AGPAT3: variants seen among roughly 807,000 people sequenced by gnomAD.
AGPAT3 encodes the protein 1-acylglycerol-3-phosphate O-acyltransferase 3.
A neutral mutation model predicts 47.3 loss-of-function variants in AGPAT3; 5 were observed. That is an observed-to-expected ratio of 0.11 (90% CI 0.06 to 0.22). The LOEUF (loss-of-function observed/expected upper bound fraction) is 0.22. Ranked by LOEUF, AGPAT3 falls within the 10% of genes least tolerant of loss-of-function variation. The pLI, the probability that AGPAT3 is intolerant of heterozygous loss-of-function variation, is 1.00. For synonymous variants in AGPAT3, 212 were observed against 208.3 expected (o/e 1.02, Z -0.15); for missense variants, 315 against 493.0 (o/e 0.64, Z 3.42).
chr21:43,959,921 T>C, intron 3 of AGPAT3, 62 bp downstream of exon 3: 2 of 1,510,668 alleles, frequency 1.3e-6, no homozygotes, highest in East Asian at 2.4e-5. Context: ...CGCGCGACCA[T>C]GCACGGGGCA....
intron 4 of AGPAT3, among the ~76,000 whole-genome samples, chr21:43,968,533 AG>A (rs1221055561): frequency 8.6e-5 from 13 of 151,460 alleles, no homozygotes; most frequent in African/African-American, 2.9e-4. Flanking sequence ...CTAGGGGAGC[AG>A]GGGACTCCCT....
At chr21:43,943,800 A>G (rs960011181) in intron 2 of AGPAT3, among the ~76,000 whole-genome samples, 14 of 152,280 alleles carry the variant, frequency 9.2e-5, no homozygotes, top group Admixed American at 2.0e-4. Flanking sequence ...GCAGCTTATT[A>G]CCACATCAGG....
intron 1 of AGPAT3, among the ~76,000 whole-genome samples, chr21:43,886,160 TA>T (rs2085972488): frequency 1.3e-5 from 2 of 152,162 alleles, no homozygotes; most frequent in African/African-American, 4.8e-5. Flanking sequence ...AGCTGATGGT[TA>T]GGGGAGGGAG....
At chr21:43,882,134 G>A (rs1479394125) in intron 1 of AGPAT3, among the ~76,000 whole-genome samples, 2 of 152,240 alleles carry the variant, frequency 1.3e-5, no homozygotes, top group East Asian at 1.9e-4. Flanking sequence ...TCATCTGGGG[G>A]CCCTGTGCCC....
intron 1 of AGPAT3, among the ~76,000 whole-genome samples, chr21:43,870,141 C>T (rs916926220): frequency 8.5e-5 from 13 of 152,238 alleles, no homozygotes; most frequent in African/African-American, 3.1e-4. Flanking sequence ...CCTCCTTGGA[C>T]TCCCTGCCGT....
rs1338108905 is a variant in AGPAT3, at chr21:43,967,989, A to G, written c.222A>G (p.Thr74=). 5.6e-6 allele frequency: 9 copies of G among 1,613,824 alleles called. No homozygotes were observed. The highest frequency in any genetic ancestry group is 1.6e-4 in the Middle Eastern group (1 of 6,062). The change falls in exon 4 of 10, where the codon ACA becomes ACG. Residue 74 remains threonine (T), a synonymous_variant. Transcript: ENST00000291572. ...AGTGGTGGTCCTGCACGGAGTGTAC[A>G]CTGTTCACGGACCAGGCCACGGTAG... ...LLEWWSCTEC[T]LFTDQATVER... is the part of the protein sequence containing the mutation.
In AGPAT3 at chr21:43,877,505, C is replaced by T. The variant is rs1272038463; in HGVS notation, c.-112+12160C>T. 2.6e-5 allele frequency among the ~76,000 whole-genome samples: 4 copies of T among 151,758 alleles called. No individual in the cohort carries two copies. In the East Asian group the frequency reaches 7.8e-4, roughly 29 times the overall value. ...TTGCCCAGTCTGGAGTACAATGGTG[C>T]CATGTTGGCTCACCACAACTTCCGC... On this transcript the variant is annotated intron_variant, in intron 1 of 9. Transcript: ENST00000291572.
At chr21:43,871,493 G>T (rs183570230) in intron 1 of AGPAT3, among the ~76,000 whole-genome samples, 10 of 152,326 alleles carry the variant, frequency 6.6e-5, no homozygotes, top group Admixed American at 6.5e-4. Context: ...TTCTAATCTT[G>T]ACCTGTTTAC....
intron 1 of AGPAT3, among the ~76,000 whole-genome samples, chr21:43,892,143 C>G (rs1324687278): frequency 1.3e-5 from 2 of 152,094 alleles, no homozygotes; most frequent in East Asian, 3.9e-4. Context: ...CCCGTCTCTA[C>G]TAAAAATACA....
At chr21:43,919,847 G>A (rs539544131) in intron 2 of AGPAT3, 2 of 152,358 alleles carry the variant, frequency 1.3e-5, no homozygotes, top group East Asian at 1.9e-4. Context: ...CAGGAGCCAC[G>A]CTAATCTTCT....
chr21:43,947,012 A>G (rs11911486), intron 2 of AGPAT3: 67,534 of 152,168 alleles, frequency 0.44, 15,242 homozygotes, highest in East Asian at 0.6. Flanking sequence ...CAGTGAGACC[A>G]TCACAGCACC....
intron 1 of AGPAT3, among the ~76,000 whole-genome samples, chr21:43,892,140 C>T (rs1371100195): frequency 6.6e-6 from 1 of 152,034 alleles, no homozygotes; most frequent in East Asian, 1.9e-4. Flanking sequence ...AATCCCGTCT[C>T]TACTAAAAAT....
At chr21:43,969,339 A>G (rs2089294842) in intron 5 of AGPAT3, 60 bp downstream of exon 5, 1 of 1,593,628 alleles carries the variant, frequency 6.3e-7, no homozygotes, top group African/African-American at 1.3e-5. Flanking sequence ...CCAACTCCTG[A>G]TGCACGGCTG....
chr21:43,895,161 G>A (rs531692109), intron 1 of AGPAT3, among the ~76,000 whole-genome samples: 5 of 151,698 alleles, frequency 3.3e-5, no homozygotes, highest in African/African-American at 1.2e-4. Flanking sequence ...CTGGAGTGCA[G>A]TGGTGCGATC....
At chr21:43,921,670 A>T (rs2086894665) in intron 2 of AGPAT3, among the ~76,000 whole-genome samples, 1 of 152,116 alleles carries the variant, frequency 6.6e-6, no homozygotes, top group African/African-American at 2.4e-5. Flanking sequence ...GCAGCCCTGG[A>T]GCGCTTGTTA....
In AGPAT3 at chr21:43,955,147, G is replaced by A. The variant is rs775928698; in HGVS notation, c.-48-4487G>A. On this transcript the variant is annotated intron_variant, in intron 2 of 9. Transcript: ENST00000291572. This position sits in a 1 kb window ranked among gnomAD's most constrained non-coding sequence, Gnocchi z 4.1. The stretch of plus-strand genomic sequence containing the variant: ...GGGGTCACTCAGCAGCCACGGATGC[G>A]CCCTGGGTGCTGTCCCGGGGCCGTC... 45 of 1,277,416 alleles carry A rather than the reference G, an allele frequency of 3.5e-5. 1 individual carries two copies. In the South Asian group the frequency reaches 4.5e-4, roughly 13 times the overall value. The allele number at this position is 1,277,416 out of a possible 1,614,324, so 79.1% of individuals were successfully genotyped here.
In AGPAT3 at chr21:43,933,360, T is replaced by A. The variant is rs1265710562; in HGVS notation, c.-48-26274T>A. ...GTCGTCTCTTTACCCTGTCGTTCCC[T>A]TTGTCATGCAGAAGCTGTTTAGTTT... On this transcript the variant is annotated intron_variant, in intron 2 of 9. Coordinates refer to ENST00000291572, the MANE Select transcript of AGPAT3 (RefSeq NM_020132.5). This position sits in a 1 kb window ranked among gnomAD's most constrained non-coding sequence, Gnocchi z 6.0. 2.6e-5 allele frequency among the ~76,000 whole-genome samples: 4 copies of A among 152,328 alleles called. No homozygotes were observed. The highest frequency in any genetic ancestry group is 5.9e-5 in the Non-Finnish European group (4 of 68,016).
intron 2 of AGPAT3, among the ~76,000 whole-genome samples, chr21:43,928,801 C>T (rs1055401427): frequency 3.3e-5 from 5 of 152,210 alleles, no homozygotes; most frequent in Admixed American, 3.3e-4. Flanking sequence ...TGGCTACCTA[C>T]GGATACTACA....
At chr21:43,977,422 C>T (rs1430899922) in intron 7 of AGPAT3, among the ~76,000 whole-genome samples, 1 of 152,192 alleles carries the variant, frequency 6.6e-6, no homozygotes, top group Non-Finnish European at 1.5e-5. Context: ...GGACCAGGGG[C>T]GTGGCCTGCC....
Sources: allele counts gnomAD v4.1 joint callset (sites outside exome capture counted in the v4.1 genomes callset), GRCh38; gene constraint gnomAD v4.1.1; non-coding constraint Gnocchi (gnomAD v3.1); transcripts MANE v1.5; gene names NCBI Gene and HGNC (gene_info 2026-07-23, HGNC 2026-07-21).